The following GTF2IRD1 variants were observed in gnomAD, a reference collection of about 807,000 sequenced individuals.
GTF2IRD1 encodes general transcription factor II-I repeat domain-containing protein 1.
GTF2IRD1 carries 26 observed loss-of-function variants against 113.2 expected under a neutral mutation model. That is an observed-to-expected ratio of 0.23 (90% CI 0.17 to 0.32). The LOEUF is 0.32. Among genes scored for constraint, GTF2IRD1 ranks in the 10% least tolerant of loss-of-function variants. The pLI, the probability that GTF2IRD1 is intolerant of heterozygous loss-of-function variation, is 1.00. For synonymous variants in GTF2IRD1, 484 were observed against 529.1 expected (o/e 0.91, Z 1.17); for missense variants, 864 against 1,280.8 (o/e 0.67, Z 4.97).
At chr7:74,567,289 C>T (rs1800379917) in intron 22 of GTF2IRD1, among the ~76,000 whole-genome samples, 1 of 151,194 alleles carries the variant, frequency 6.6e-6, no homozygotes, top group African/African-American at 2.4e-5. Flanking sequence ...GATTGCACCA[C>T]AGCACTCCAA....
intron 9 of GTF2IRD1, among the ~76,000 whole-genome samples, chr7:74,532,739 G>T (rs1457466349): frequency 1.3e-5 from 2 of 152,140 alleles, no homozygotes; most frequent in African/African-American, 4.8e-5. Context: ...CCTCCAGCGT[G>T]AAAACAGAAG....
At position 74,592,456 on chromosome 7, in the gene GTF2IRD1, C is replaced by T. The variant is rs138606749; in HGVS notation, c.2591+1439C>T. ...CTAGTCTCGAACTCCTGGGCTCAAG[C>T]CATCCTCCCATGTCGGCCTTTCAAA... is the stretch of plus-strand genomic sequence containing the variant. On this transcript the variant is annotated intron_variant, in intron 24 of 26. Transcript: ENST00000424337. Among the ~76,000 whole-genome samples the T allele has an allele frequency of 5.7e-3, 866 of 151,698 alleles. 4 individuals are homozygous for T. The highest frequency in any genetic ancestry group is 0.024 in the Middle Eastern group (7 of 292).
intron 22 of GTF2IRD1, among the ~76,000 whole-genome samples, chr7:74,568,517 G>A (rs587629788): frequency 4.6e-5 from 7 of 152,012 alleles, no homozygotes; most frequent in African/African-American, 7.2e-5. Flanking sequence ...GCGTGATGGC[G>A]GGCACCTGTA....
At chr7:74,527,835 C>T (rs1254518855) in intron 8 of GTF2IRD1, among the ~76,000 whole-genome samples, 3 of 151,520 alleles carry the variant, frequency 2.0e-5, no homozygotes, top group Admixed American at 2.0e-4. Flanking sequence ...AGCAAGACTC[C>T]ATCAGGGAAA....
At chr7:74,477,426 C>A (rs1455690457) in intron 1 of GTF2IRD1, among the ~76,000 whole-genome samples, 2 of 145,226 alleles carry the variant, frequency 1.4e-5, no homozygotes, top group African/African-American at 2.5e-5. Flanking sequence ...CAGGGCAGGG[C>A]TGGGTGACTG....
At chr7:74,463,010 C>T (rs1793479087) in intron 1 of GTF2IRD1, among the ~76,000 whole-genome samples, 2 of 152,168 alleles carry the variant, frequency 1.3e-5, no homozygotes, top group South Asian at 4.1e-4. Flanking sequence ...TATGTATCCC[C>T]ACCCTGTGGG....
chr7:74,512,833 T>C lies in GTF2IRD1; in HGVS notation c.127T>C (p.Ser43Pro). The C allele has an allele frequency of 6.2e-7, 1 of 1,613,976 alleles. No individual in the cohort carries two copies. Among genetic ancestry groups the C allele is most frequent in the Non-Finnish European group, 8.5e-7 (1 of 1,179,968 alleles). Residue 43 changes from serine to proline, a missense_variant, in exon 3 of 27, where the codon TCA becomes CCA. Ser to Pro is a moderately conservative substitution (Grantham distance 74). Coordinates refer to ENST00000424337, the MANE Select transcript of GTF2IRD1 (RefSeq NM_005685.4). This position sits in a 1 kb window ranked among gnomAD's most constrained non-coding sequence, Gnocchi z 4.4. The part of the protein sequence containing the change: ...SLVSALDSMC[S>P]ALSKLNAEVA... ...ACACAGCCTGCCCTTCCCACAGTGCTCAGCGCTGTCCAAACTGAACGCCGA... is the reference window on the plus strand; with the variant it reads ...ACACAGCCTGCCCTTCCCACAGTGCCCAGCGCTGTCCAAACTGAACGCCGA...
At position 74,498,356 on chromosome 7, in the gene GTF2IRD1, C is replaced by T. The variant is rs146768403; in HGVS notation, c.-6-9719C>T. On this transcript the variant is annotated intron_variant, in intron 1 of 26. Transcript: ENST00000424337. Reference sequence around the variant, plus strand: ...CATATCCTGGATATTAATCCCTTACCGATATACTATTTACAAATATTTTCA... The same window carrying T: ...CATATCCTGGATATTAATCCCTTACTGATATACTATTTACAAATATTTTCA... Among the ~76,000 whole-genome samples, 1,058 of 152,192 alleles carry T rather than the reference C, an allele frequency of 7.0e-3. 9 individuals are homozygous for T. The highest frequency in any genetic ancestry group is 0.024 in the African/African-American group (984 of 41,528).
Position 74,562,555 on chromosome 7 carries a change from C to CTTTTTTTTTTT in GTF2IRD1, c.2320+2919_2320+2929dup, listed in dbSNP as rs1167468655. 2.1e-4 allele frequency among the ~76,000 whole-genome samples: 13 copies of CTTTTTTTTTTT among 62,708 alleles called. 2 individuals are homozygous for CTTTTTTTTTTT. The highest frequency in any genetic ancestry group is 5.6e-4 in the African/African-American group (7 of 12,570). The allele number at this position is 62,708 out of a possible 152,430, so 41.1% of individuals were successfully genotyped here. On this transcript the variant is annotated intron_variant, in intron 22 of 26. Coordinates refer to ENST00000424337, the MANE Select transcript of GTF2IRD1 (RefSeq NM_005685.4). ...AGGACTATTTTCCGCCAATTGCCCT[C>CTTTTTTTTTTT]TTTTTTTTTTTTTTTTTTTTTTTTT...
At position 74,550,591 on chromosome 7, in the gene GTF2IRD1, AT is replaced by A. The variant is rs1222133360; in HGVS notation, c.1916+3317del. Reference sequence around the variant, plus strand: ...GACAGAGTAAGACCCTGTCTCGAAAATTTTTTTTTTTTAATTTTTTTAAAAA... The same window carrying A: ...GACAGAGTAAGACCCTGTCTCGAAAATTTTTTTTTTTAATTTTTTTAAAAA... On this transcript the variant is annotated intron_variant, in intron 17 of 26. Transcript: ENST00000424337. 7.3e-4 allele frequency among the ~76,000 whole-genome samples: 107 copies of A among 146,256 alleles called. 2 individuals carry two copies. The highest frequency in any genetic ancestry group is 2.8e-3 in the East Asian group (14 of 4,992).
intron 1 of GTF2IRD1, among the ~76,000 whole-genome samples, chr7:74,487,793 A>G (rs1795112973): frequency 6.6e-6 from 1 of 152,244 alleles, no homozygotes; most frequent in African/African-American, 2.4e-5. Flanking sequence ...CAACTTATAC[A>G]TAATGCATTT....
chr7:74,575,901 G>C (rs13437728), intron 22 of GTF2IRD1, among the ~76,000 whole-genome samples: 1 of 152,054 alleles, frequency 6.6e-6, no homozygotes, highest in African/African-American at 2.4e-5. Flanking sequence ...AACAGGCCGG[G>C]TCCAGTGGCT....
chr7:74,503,610 G>A (rs943738152), intron 1 of GTF2IRD1, among the ~76,000 whole-genome samples: 11 of 152,282 alleles, frequency 7.2e-5, no homozygotes, highest in African/African-American at 2.6e-4. Context: ...TTAGCCAGGC[G>A]TGGTGGTGGG....
chr7:74,590,882 G>A lies in GTF2IRD1; in HGVS notation c.2456G>A (p.Ser819Asn), dbSNP rs1554369324. The change falls in exon 24 of 27, where the codon AGC (serine) becomes AAC (asparagine). Residue 819 changes from serine (S) to asparagine (N), a missense_variant. Ser to Asn is a conservative substitution (Grantham distance 46, BLOSUM62 1). Around this residue, in one of 7 missense-constraint regions of GTF2IRD1, gnomAD observed 195 missense variants for 359.1 expected, o/e 0.54. Transcript: ENST00000424337. ...VLVPYKLIRD[S>N]PDAVEVTGLP... ...GTCCCTTATAAACTAATCCGGGACA[G>A]CCCAGACGCCGTGGAGGTCACGGGT... 1 of 1,613,764 alleles carries A rather than the reference G, an allele frequency of 6.2e-7. No individual in the cohort carries two copies. Among genetic ancestry groups the A allele is most frequent in the Non-Finnish European group, 8.5e-7 (1 of 1,179,858 alleles).
At chr7:74,534,537 G>A (rs1798168347) in intron 9 of GTF2IRD1, among the ~76,000 whole-genome samples, 2 of 152,078 alleles carry the variant, frequency 1.3e-5, no homozygotes, top group South Asian at 4.1e-4. Flanking sequence ...GGGAGGCGGA[G>A]GTTCATGGGG....
chr7:74,580,250 G>A (rs1380008711), intron 22 of GTF2IRD1, among the ~76,000 whole-genome samples: 3 of 152,218 alleles, frequency 2.0e-5, no homozygotes, highest in Non-Finnish European at 4.4e-5. Flanking sequence ...GGCCTGGCAG[G>A]GAGTTGGGGC....
chr7:74,500,792 C>T (rs1172389464), intron 1 of GTF2IRD1, among the ~76,000 whole-genome samples: 3 of 151,996 alleles, frequency 2.0e-5, no homozygotes, highest in Non-Finnish European at 4.4e-5. Context: ...GGCATGATCA[C>T]AGTTCTCTGT....
intron 1 of GTF2IRD1, among the ~76,000 whole-genome samples, chr7:74,504,487 A>C (rs140588397): frequency 1.3e-5 from 2 of 152,266 alleles, no homozygotes; most frequent in East Asian, 3.9e-4. Context: ...GCGTGTGAGC[A>C]GCTGGTCTGT....
At chr7:74,480,731 C>T (rs945113074) in intron 1 of GTF2IRD1, among the ~76,000 whole-genome samples, 7 of 152,214 alleles carry the variant, frequency 4.6e-5, no homozygotes, top group African/African-American at 9.6e-5. Context: ...GCCTGGACCC[C>T]GCATACTGCC....
Sources: allele counts gnomAD v4.1 joint callset (sites outside exome capture counted in the v4.1 genomes callset), GRCh38; gene constraint gnomAD v4.1.1; regional missense constraint gnomAD v4.1.1; non-coding constraint Gnocchi (gnomAD v3.1); transcripts MANE v1.5; gene names NCBI Gene and HGNC (gene_info 2026-07-23, HGNC 2026-07-21).